The following TNRC6C variants were observed in gnomAD, a reference collection of about 807,000 sequenced individuals.
TNRC6C encodes trinucleotide repeat containing adaptor 6C, also known as trinucleotide repeat-containing gene 6C protein.
TNRC6C carries 20 observed loss-of-function variants against 153.7 expected under a neutral mutation model. The ratio of observed to expected loss-of-function variants is 0.13; its 90% CI spans 0.09 to 0.19. The LOEUF (loss-of-function observed/expected upper bound fraction) is 0.19, where lower values mean the gene tolerates loss of function less well. Ranked by LOEUF, TNRC6C falls within the 10% of genes least tolerant of loss-of-function variation. The probability of loss-of-function intolerance (pLI) is 1.00; values close to 1 mark genes in which losing one functional copy is unlikely to be tolerated. For synonymous variants in TNRC6C, 811 were observed against 841.4 expected, an observed-to-expected ratio of 0.96 and a Z score of 0.63; for missense variants, 1,987 against 2,172.0, an observed-to-expected ratio of 0.91 and a Z score of 1.69.
chr17:78,087,249 A>G (rs1023001879), intron 13 of TNRC6C, among the ~76,000 whole-genome samples, 156 bp downstream of exon 15: 3 of 152,076 alleles, frequency 2.0e-5, no homozygotes, highest in Non-Finnish European at 4.4e-5. Context: ...ATCGGAGAGC[A>G]GGTATCTCAA....
At chr17:78,071,574 G>T (rs1349147692) in intron 6 of TNRC6C, among the ~76,000 whole-genome samples, 1 of 152,070 alleles carries the variant, frequency 6.6e-6, no homozygotes, top group Admixed American at 6.6e-5. Context: ...TTTTGGTAGA[G>T]ACGAGGCTTC....
chr17:78,086,252 C>G (rs777976257), intron 11 of TNRC6C, among the ~76,000 whole-genome samples: 8 of 143,156 alleles, frequency 5.6e-5, no homozygotes, highest in Non-Finnish European at 1.1e-4. Flanking sequence ...ATTGCTTGAA[C>G]CCGGGAGGCA....
intron 1 of TNRC6C, among the ~76,000 whole-genome samples, chr17:77,988,123 A>C (rs2071198101): frequency 6.6e-6 from 1 of 152,158 alleles, no homozygotes; most frequent in Non-Finnish European, 1.5e-5. Context: ...AGGCCAAGGC[A>C]GGAGGATTGC....
intron 6 of TNRC6C, 33 bp downstream of exon 8, chr17:78,071,198 A>C: frequency 6.4e-7 from 1 of 1,567,810 alleles, no homozygotes; most frequent in Non-Finnish European, 8.7e-7. Context: ...GCTACCCACC[A>C]TGCTTCCCAA....
chr17:78,017,701 C>G (rs531703929), intron 1 of TNRC6C, among the ~76,000 whole-genome samples: 2 of 152,322 alleles, frequency 1.3e-5, no homozygotes, highest in Admixed American at 6.5e-5. Context: ...TCAAGTGATA[C>G]AATCCAAAAT....
At chr17:78,097,968 C>G in intron 16 of TNRC6C, 107 bp downstream of exon 19, 1 of 980,468 alleles carries the variant, frequency 1.0e-6, no homozygotes, top group South Asian at 1.7e-5. Flanking sequence ...ACTCCCTGAG[C>G]TGGGAGGCCG....
intron 1 of TNRC6C, among the ~76,000 whole-genome samples, chr17:78,005,650 C>T (rs1037475370): frequency 6.6e-6 from 1 of 152,108 alleles, no homozygotes; most frequent in Non-Finnish European, 1.5e-5. Context: ...ATACTCCAAG[C>T]CTCTTCCTTT....
chr17:78,003,215 G>A (rs1019289743), upstream of TNRC6C, among the ~76,000 whole-genome samples: 24 of 152,148 alleles, frequency 1.6e-4, no homozygotes, highest in Non-Finnish European at 2.1e-4. Flanking sequence ...AACCCACTGC[G>A]AAGGAAATCC....
At chr17:78,063,170 G>A (rs578203237) in intron 3 of TNRC6C, among the ~76,000 whole-genome samples, 18 of 151,522 alleles carry the variant, frequency 1.2e-4, no homozygotes, top group African/African-American at 3.1e-4. Context: ...CCCTTAACCC[G>A]GGAGGCGGTG....
chr17:78,009,595 C>T (rs936354179), intron 1 of TNRC6C, among the ~76,000 whole-genome samples: 2 of 152,080 alleles, frequency 1.3e-5, no homozygotes, highest in African/African-American at 4.8e-5. Flanking sequence ...GCTCTTGTTG[C>T]CCAGGCTGGA....
At position 78,012,750 on chromosome 17, in the gene TNRC6C, G is replaced by A. The variant is rs145007504; in HGVS notation, c.-546+7671G>A. ...AAAAAGAAATTTTACAATGTTGGCA[G>A]CAGAGGAGCTGCTGAGTGAGGTGGT... On this transcript the variant is annotated intron_variant, in intron 1 of 19. Transcript: ENST00000301624. Among the ~76,000 whole-genome samples, 1,315 of 152,274 alleles carry A rather than the reference G, an allele frequency of 8.6e-3. 13 individuals carry two copies. The highest frequency in any genetic ancestry group is 0.038 in the South Asian group (184 of 4,828).
At chr17:78,031,866 A>G in intron 2 of TNRC6C, 24 bp downstream of exon 4, 2 of 1,232,068 alleles carry the variant, frequency 1.6e-6, no homozygotes, top group Non-Finnish European at 2.0e-6. Flanking sequence ...AGGATGAGAC[A>G]TTGTTTTGAT....
At chr17:78,091,440 C>T in exon 14 of TNRC6C, 1 of 1,586,066 alleles carries the variant, frequency 6.3e-7, no homozygotes, top group Middle Eastern at 1.7e-4. Flanking sequence ...CTCTCTTTAG[C>T]TGGACTGAAC....
intron 10 of TNRC6C, among the ~76,000 whole-genome samples, chr17:78,082,514 A>T (rs1489196620): frequency 6.6e-6 from 1 of 152,228 alleles, no homozygotes; most frequent in African/African-American, 2.4e-5. Context: ...CTGGTTGCAA[A>T]CAATCAATAG....
chr17:78,076,819 A>G (rs1156356862), intron 8 of TNRC6C, among the ~76,000 whole-genome samples: 3 of 152,198 alleles, frequency 2.0e-5, no homozygotes, highest in African/African-American at 7.2e-5. Flanking sequence ...AATTCAACCT[A>G]ATGTACACCT....
At chr17:78,059,040 C>T (rs1022737504) in intron 3 of TNRC6C, among the ~76,000 whole-genome samples, 6 of 152,184 alleles carry the variant, frequency 3.9e-5, no homozygotes, top group Admixed American at 3.9e-4. Flanking sequence ...TGTATTGTTT[C>T]TATAAGTCTC....
At chr17:78,084,709 G>GTGCA (rs954311152) in intron 11 of TNRC6C, among the ~76,000 whole-genome samples, 2 of 150,276 alleles carry the variant, frequency 1.3e-5, no homozygotes, top group African/African-American at 4.9e-5. Flanking sequence ...GCTCACTGCA[G>GTGCA]CCTCTGCCTT....
At chr17:78,059,642 G>A (rs1459433641) in intron 3 of TNRC6C, among the ~76,000 whole-genome samples, 3 of 152,152 alleles carry the variant, frequency 2.0e-5, no homozygotes, top group Non-Finnish European at 4.4e-5. Context: ...GAACCCTGGA[G>A]TTTGAGAACA....
chr17:77,965,343 A>G (rs1242154235), intron 1 of TNRC6C, among the ~76,000 whole-genome samples: 4 of 152,216 alleles, frequency 2.6e-5, no homozygotes, highest in Admixed American at 6.5e-5. Flanking sequence ...CCTTCTGAGC[A>G]CTTTGTGTGT....
Sources: gnomAD v4.1 joint callset for allele counts (sites outside exome capture counted in the v4.1 genomes callset) on GRCh38, gnomAD v4.1.1 for gene constraint, MANE v1.5 for transcripts, NCBI Gene and HGNC (gene_info 2026-07-23, HGNC 2026-07-21) for gene names.